Variants in IGF2BP3 observed in about 807,000 individuals in gnomAD.
The protein encoded by IGF2BP3 is insulin like growth factor 2 mRNA binding protein 3.
A neutral mutation model predicts 73.8 loss-of-function variants in IGF2BP3; 9 were observed. The ratio of observed to expected loss-of-function variants is 0.12; its 90% CI spans 0.07 to 0.21. The LOEUF (loss-of-function observed/expected upper bound fraction) is 0.21. IGF2BP3 is among the 10% of genes least tolerant of loss of function. The pLI is 1.00. For synonymous variants in IGF2BP3, 258 were observed against 256.7 expected (o/e 1.01, Z -0.05); for missense variants, 542 against 714.0 (o/e 0.76, Z 2.75).
chr7:23,345,522 C>G (rs1272799794), intron 8 of IGF2BP3, among the ~76,000 whole-genome samples: 1 of 152,214 alleles, frequency 6.6e-6, no homozygotes, highest in Non-Finnish European at 1.5e-5. Flanking sequence ...CATTGTGAGA[C>G]CCCAAGCCAG....
At chr7:23,389,828 TAA>T (rs748999337) in intron 3 of IGF2BP3, among the ~76,000 whole-genome samples, 230 of 108,316 alleles carry the variant, frequency 2.1e-3, no homozygotes, top group East Asian at 7.0e-3. Context: ...ATCCCTTCTG[TAA>T]AAAAAAAAAA....
At chr7:23,347,543 C>T in intron 7 of IGF2BP3, 57 bp downstream of exon 7, 1 of 1,573,432 alleles carries the variant, frequency 6.4e-7, no homozygotes, top group South Asian at 1.2e-5. Flanking sequence ...TCAGAGATGT[C>T]AAAAATACAA....
chr7:23,313,792 CAT>C (rs1783898172), intron 12 of IGF2BP3, 139 bp from the exon 13 acceptor site: 3 of 804,424 alleles, frequency 3.7e-6, no homozygotes, highest in Admixed American at 2.8e-5. Context: ...TTGAAAATAA[CAT>C]AGAAGAGAGC....
At chr7:23,413,928 A>T (rs1787109140) in intron 3 of IGF2BP3, 1 of 152,242 alleles carries the variant, frequency 6.6e-6, no homozygotes, top group African/African-American at 2.4e-5. Context: ...CAAGGCGGGC[A>T]GATCACAAGG....
intron 12 of IGF2BP3, among the ~76,000 whole-genome samples, chr7:23,315,460 CTATATAAACAACCTATTA>C (rs1180451090): frequency 2.6e-5 from 4 of 152,132 alleles, no homozygotes; most frequent in South Asian, 2.1e-4. Context: ...CTGCATGCAA[CTATATAAACAACCTATTA>C]TATATAAACA....
intron 10 of IGF2BP3, among the ~76,000 whole-genome samples, chr7:23,321,196 C>A (rs201189328): frequency 5.4e-5 from 8 of 147,472 alleles, no homozygotes; most frequent in Admixed American, 2.7e-4. Flanking sequence ...AGACAGTGGG[C>A]GCAGGTCAGT....
intron 3 of IGF2BP3, among the ~76,000 whole-genome samples, chr7:23,388,786 G>A (rs955862755): frequency 1.3e-5 from 2 of 151,964 alleles, no homozygotes; most frequent in Admixed American, 1.3e-4. Flanking sequence ...TACTATCTCT[G>A]GGGGTTACAA....
At chr7:23,369,101 C>CG (rs755810351) in intron 3 of IGF2BP3, among the ~76,000 whole-genome samples, 8 of 152,202 alleles carry the variant, frequency 5.3e-5, no homozygotes, top group East Asian at 3.9e-4. Flanking sequence ...TCCACAGAAC[C>CG]GGCCTAGTCT....
At chr7:23,425,970 A>AC in intron 2 of IGF2BP3, among the ~76,000 whole-genome samples, 1 of 139,406 alleles carries the variant, frequency 7.2e-6, no homozygotes, top group African/African-American at 2.5e-5. Flanking sequence ...TATCTCAAAA[A>AC]AAACAAACAA....
intron 3 of IGF2BP3, among the ~76,000 whole-genome samples, chr7:23,378,582 T>G (rs1474412255): frequency 2.2e-5 from 3 of 134,344 alleles, no homozygotes; most frequent in Admixed American, 7.4e-5. Context: ...TTTTTTTTTT[T>G]TTTTTTTTTT....
At chr7:23,316,693 AAG>A (rs1562665819) in intron 12 of IGF2BP3, among the ~76,000 whole-genome samples, 16 of 151,236 alleles carry the variant, frequency 1.1e-4, no homozygotes, top group African/African-American at 2.9e-4. Context: ...AAAAAAAAAA[AAG>A]AGAAAAAAAA....
chr7:23,352,763 C>G (rs1365172128), intron 5 of IGF2BP3, among the ~76,000 whole-genome samples: 1 of 152,124 alleles, frequency 6.6e-6, no homozygotes, highest in Non-Finnish European at 1.5e-5. Context: ...CCCCCCTACC[C>G]CTTGCAGACT....
At chr7:23,409,300 C>T (rs922140308) in intron 3 of IGF2BP3, among the ~76,000 whole-genome samples, 1 of 152,162 alleles carries the variant, frequency 6.6e-6, no homozygotes, top group African/African-American at 2.4e-5. Context: ...CATAAAAAGA[C>T]AACTTAGTAA....
At chr7:23,312,669 G>C (rs1583867668) in intron 14 of IGF2BP3, 66 bp downstream of exon 14, 1 of 1,130,052 alleles carries the variant, frequency 8.8e-7, no homozygotes, top group Non-Finnish European at 1.3e-6. Context: ...TATCAGGTAG[G>C]AGCACCTGTG....
At chr7:23,443,766 T>C (rs1787991413) in intron 2 of IGF2BP3, among the ~76,000 whole-genome samples, 1 of 152,164 alleles carries the variant, frequency 6.6e-6, no homozygotes, top group Admixed American at 6.5e-5. Context: ...TCTCAGCACT[T>C]TGGGAGGCCA....
chr7:23,415,605 C>T (rs1363161778), intron 3 of IGF2BP3: 1 of 262,098 alleles, frequency 3.8e-6, no homozygotes, highest in Non-Finnish European at 7.5e-6. Context: ...TGGTTACAGC[C>T]TCTAGCTCCT....
chr7:23,319,538 G>C (rs553572353), intron 10 of IGF2BP3, among the ~76,000 whole-genome samples: 80 of 152,286 alleles, frequency 5.3e-4, no homozygotes, highest in African/African-American at 1.8e-3. Context: ...ATGTTGTAAA[G>C]TTTAATCATA....
intron 5 of IGF2BP3, among the ~76,000 whole-genome samples, chr7:23,355,124 G>A (rs1409370838): frequency 1.3e-5 from 2 of 152,172 alleles, no homozygotes; most frequent in African/African-American, 2.4e-5. Context: ...ATGAACGACT[G>A]TCATAATTAT....
intron 3 of IGF2BP3, among the ~76,000 whole-genome samples, chr7:23,392,465 T>C (rs201411259): frequency 1.8e-4 from 25 of 140,278 alleles, no homozygotes; most frequent in East Asian, 1.0e-3. Context: ...CACACACACA[T>C]ATATATGTAT....
Sources: allele counts gnomAD v4.1 joint callset (sites outside exome capture counted in the v4.1 genomes callset), GRCh38; gene constraint gnomAD v4.1.1; transcripts MANE v1.5; gene names NCBI Gene and HGNC (gene_info 2026-07-23, HGNC 2026-07-21).